The following XKR4 variants were observed in gnomAD, a reference collection of about 807,000 sequenced individuals.
The protein encoded by XKR4 is XK related 4, also known as XK-related protein 4.
In XKR4, 12 loss-of-function variants were observed where a neutral mutation model predicts 53.9. The ratio of observed to expected loss-of-function variants is 0.22; its 90% CI spans 0.14 to 0.36. XKR4 has a LOEUF of 0.36. Among genes scored for constraint, XKR4 ranks in the 10% least tolerant of loss-of-function variants. The pLI is 1.00. For synonymous variants in XKR4, 354 were observed against 362.4 expected, an observed-to-expected ratio of 0.98 and a Z score of 0.26; for missense variants, 799 against 859.5, an observed-to-expected ratio of 0.93 and a Z score of 0.88.
rs567245943 is a variant in XKR4, at chr8:55,271,090, CT to C, written c.807-86579del. On this transcript the variant is annotated intron_variant, in intron 1 of 2. Coordinates refer to ENST00000327381, the MANE Select transcript of XKR4 (RefSeq NM_052898.2). ...CATCTTCTCCTCCTCCAGACTTCCCCTTTTTTTTTAAATCATGACCATCTTC... is the reference window on the plus strand; with the variant it reads ...CATCTTCTCCTCCTCCAGACTTCCCCTTTTTTTTAAATCATGACCATCTTC... Among the ~76,000 whole-genome samples, 179 of 151,424 alleles carry C rather than the reference CT, an allele frequency of 1.2e-3. 3 individuals are homozygous for C. The highest frequency in any genetic ancestry group is 2.4e-3 in the Non-Finnish European group (161 of 67,748).
At chr8:55,196,039 G>T (rs575039478) in intron 1 of XKR4, among the ~76,000 whole-genome samples, 4 of 152,316 alleles carry the variant, frequency 2.6e-5, no homozygotes, top group African/African-American at 4.8e-5. Context: ...CTCTTCTCTA[G>T]CTCTCAGAGC....
intron 1 of XKR4, among the ~76,000 whole-genome samples, chr8:55,188,921 G>A (rs1193570211): frequency 6.6e-6 from 1 of 152,104 alleles, no homozygotes; most frequent in Non-Finnish European, 1.5e-5. Flanking sequence ...AGTTAAAGTC[G>A]GTTATTATTA....
chr8:55,447,921 C>T (rs1347400661), intron 2 of XKR4, among the ~76,000 whole-genome samples: 1 of 152,186 alleles, frequency 6.6e-6, no homozygotes, highest in Admixed American at 6.5e-5. Context: ...ACATTAACCT[C>T]TCACAGTAAA....
intron 1 of XKR4, among the ~76,000 whole-genome samples, chr8:55,115,217 C>A (rs115897650): frequency 0.02 from 3,092 of 152,228 alleles, 90 homozygotes; most frequent in African/African-American, 0.069. Context: ...AATTTCAGCT[C>A]AAATGGTCAG....
intron 1 of XKR4, among the ~76,000 whole-genome samples, chr8:55,106,567 G>T (rs945543347): frequency 2.6e-5 from 4 of 152,148 alleles, no homozygotes; most frequent in African/African-American, 9.7e-5. Flanking sequence ...AGTTTAGCCA[G>T]TGGGAATCAC....
intron 1 of XKR4, among the ~76,000 whole-genome samples, chr8:55,251,171 T>C (rs549812859): frequency 8.9e-4 from 136 of 152,256 alleles, no homozygotes; most frequent in South Asian, 1.7e-3. Flanking sequence ...TGCGTGTAGG[T>C]GTATATTTAA....
At chr8:55,479,500 A>G (rs536114211) in intron 2 of XKR4, among the ~76,000 whole-genome samples, 1 of 152,160 alleles carries the variant, frequency 6.6e-6, no homozygotes, top group Non-Finnish European at 1.5e-5. Flanking sequence ...TTAGAAAAGC[A>G]AGAGCAAACA....
chr8:55,482,402 C>A (rs1041384289), intron 2 of XKR4, among the ~76,000 whole-genome samples: 1 of 151,496 alleles, frequency 6.6e-6, no homozygotes, highest in Non-Finnish European at 1.5e-5. Context: ...GTTATGGGGT[C>A]GGGGCATGGG....
chr8:55,142,812 C>T (rs1816723834), intron 1 of XKR4, among the ~76,000 whole-genome samples: 1 of 152,172 alleles, frequency 6.6e-6, no homozygotes, highest in African/African-American at 2.4e-5. Flanking sequence ...AACATACGTG[C>T]ACAAACAAAC....
rs555093467 is a variant in XKR4 at position 55,163,705 on chromosome 8, C to T, written c.806+60411C>T. Among the ~76,000 whole-genome samples the T allele has an allele frequency of 2.3e-4, 35 of 152,146 alleles. No individual in the cohort carries two copies. The South Asian group carries it at 7.3e-3, about 32-fold the overall frequency. On this transcript the variant is annotated intron_variant, in intron 1 of 2. Coordinates refer to ENST00000327381, the MANE Select transcript of XKR4 (RefSeq NM_052898.2). ...TACAAAAATACAAAAATTAGCCAAG[C>T]ATGATGGCAGGTGCCCATAATCCCA...
chr8:55,145,816 CAGTAGATGCAA>C (rs1478335538), intron 1 of XKR4, among the ~76,000 whole-genome samples: 1 of 152,108 alleles, frequency 6.6e-6, no homozygotes, highest in African/African-American at 2.4e-5. Context: ...ATTTTGTGTG[CAGTAGATGCAA>C]AATGAATGCA....
intron 2 of XKR4, among the ~76,000 whole-genome samples, chr8:55,438,158 A>C (rs1449198210): frequency 3.9e-5 from 6 of 152,058 alleles, no homozygotes; most frequent in Non-Finnish European, 8.8e-5. Flanking sequence ...CAAAAAAAAA[A>C]GTTAACTAAG....
intron 1 of XKR4, among the ~76,000 whole-genome samples, chr8:55,201,670 C>T (rs1484762532): frequency 6.6e-6 from 1 of 152,170 alleles, no homozygotes; most frequent in Non-Finnish European, 1.5e-5. Flanking sequence ...GCTATAAGAA[C>T]TGAAGTTTTA....
chr8:55,359,207 T>A (rs1173339364), intron 2 of XKR4, among the ~76,000 whole-genome samples: 5 of 152,250 alleles, frequency 3.3e-5, no homozygotes, highest in African/African-American at 1.2e-4. Context: ...TAGTTGTGGA[T>A]GACTGTTTTT....
At chr8:55,125,394 C>A (rs1328778217) in intron 1 of XKR4, among the ~76,000 whole-genome samples, 1 of 152,108 alleles carries the variant, frequency 6.6e-6, no homozygotes, top group African/African-American at 2.4e-5. Flanking sequence ...GTCACCACAC[C>A]CGGCTAATTT....
At chr8:55,318,243 C>T (rs536530452) in intron 1 of XKR4, among the ~76,000 whole-genome samples, 1 of 152,142 alleles carries the variant, frequency 6.6e-6, no homozygotes, top group South Asian at 2.1e-4. Context: ...TTATAAAAAT[C>T]ATGACAAATA....
chr8:55,450,161 C>T lies in XKR4; in HGVS notation c.1007-73120C>T, dbSNP rs1427146486. The T allele has an allele frequency of 1.9e-5, 13 of 672,356 alleles. No individual in the cohort carries two copies. In the Admixed American group the frequency reaches 2.1e-4, roughly 11 times the overall value. The allele number at this position is 672,356 out of a possible 1,614,324, so 41.6% of individuals were successfully genotyped here. A position where few individuals can be genotyped will look rare whatever the true frequency, so the allele number is the denominator to read the frequency against. ...TCCAACCTCTGCAGGCGTGAGATGG[C>T]GTCAGGCTGGGCTCGGGGGCAGCTG... On this transcript the variant is annotated intron_variant, in intron 2 of 2. Coordinates refer to ENST00000327381, the MANE Select transcript of XKR4 (RefSeq NM_052898.2).
In XKR4 at chr8:55,528,086, T is replaced by C. The variant is rs1806902459; in HGVS notation, c.*3859T>C. 6.6e-6 allele frequency: 1 copy of C among 152,214 alleles called. No homozygotes were observed. The highest frequency in any genetic ancestry group is 6.5e-5 in the Admixed American group (1 of 15,284). The allele number at this position is 152,214 out of a possible 1,614,324, so 9.4% of individuals were successfully genotyped here. ...ATACTGCTTTTGAATGTATATAAAG[T>C]GGTATGTTATGCATATAAATTGTAC... On this transcript the variant is annotated 3_prime_UTR_variant, in exon 3 of 3. Transcript: ENST00000327381.
At chr8:55,379,960 T>C (rs1804207171) in intron 2 of XKR4, among the ~76,000 whole-genome samples, 1 of 152,224 alleles carries the variant, frequency 6.6e-6, no homozygotes, top group Admixed American at 6.5e-5. Flanking sequence ...CAACACTTCT[T>C]ATAGCTTATT....
Sources: gnomAD v4.1 joint callset for allele counts (sites outside exome capture counted in the v4.1 genomes callset) on GRCh38, gnomAD v4.1.1 for gene constraint, MANE v1.5 for transcripts, NCBI Gene and HGNC (gene_info 2026-07-23, HGNC 2026-07-21) for gene names.